Variants in IL1RAPL2 observed in about 807,000 individuals in gnomAD.
IL1RAPL2 encodes the protein interleukin 1 receptor accessory protein like 2.
IL1RAPL2 carries 3 observed loss-of-function variants against 44.1 expected under a neutral mutation model. That is an observed-to-expected ratio of 0.07 (90% CI 0.03 to 0.18). IL1RAPL2 has a LOEUF of 0.18. Among genes scored for constraint, IL1RAPL2 ranks in the 10% least tolerant of loss-of-function variants. The probability of loss-of-function intolerance (pLI) is 1.00; values close to 1 mark genes in which losing one functional copy is unlikely to be tolerated. For synonymous variants in IL1RAPL2, 181 were observed against 178.8 expected, an observed-to-expected ratio of 1.01 and a Z score of -0.10; for missense variants, 391 against 496.4, an observed-to-expected ratio of 0.79 and a Z score of 2.02.
At chrX:105,502,314 C>A (rs570997927) in intron 6 of IL1RAPL2, among the ~76,000 whole-genome samples, 1 of 111,632 alleles carries the variant, frequency 9.0e-6, no homozygotes, top group Admixed American at 9.6e-5. Flanking sequence ...TAAATATTTA[C>A]AATTCTTGAA....
chrX:105,151,214 T>C (rs2033224347), intron 2 of IL1RAPL2, among the ~76,000 whole-genome samples: 1 of 111,834 alleles, frequency 8.9e-6, no homozygotes, highest in South Asian at 3.7e-4. Context: ...GGATCATAGA[T>C]GGAGATGTAA....
chrX:104,773,468 T>C (rs1295887070), intron 2 of IL1RAPL2, among the ~76,000 whole-genome samples: 1 of 111,542 alleles, frequency 9.0e-6, no homozygotes, highest in Non-Finnish European at 1.9e-5. Flanking sequence ...CACTTTTATT[T>C]CCTTTGTAGA....
chrX:104,936,897 C>T (rs982269435), intron 2 of IL1RAPL2, among the ~76,000 whole-genome samples: 3 of 111,402 alleles, frequency 2.7e-5, no homozygotes, highest in African/African-American at 9.8e-5. Context: ...TGAGCCACCG[C>T]ACCCAACCTT....
At chrX:105,332,417 A>G (rs751422848) in intron 5 of IL1RAPL2, among the ~76,000 whole-genome samples, 30 of 110,016 alleles carry the variant, frequency 2.7e-4, no homozygotes, top group Non-Finnish European at 4.4e-4. Context: ...ATCTTTCATT[A>G]TTTTATTTGC....
intron 6 of IL1RAPL2, among the ~76,000 whole-genome samples, chrX:105,613,152 G>A (rs1478987989): frequency 1.8e-5 from 2 of 111,673 alleles, no homozygotes; most frequent in Non-Finnish European, 3.8e-5. Context: ...CTTGGATACC[G>A]GCTCAGCCAC....
At chrX:104,846,878 T>C (rs1922066364) in intron 2 of IL1RAPL2, among the ~76,000 whole-genome samples, 1 of 111,838 alleles carries the variant, frequency 8.9e-6, no homozygotes, top group African/African-American at 3.3e-5. Flanking sequence ...GACTTTTTAA[T>C]AGTCGCCATT....
intron 3 of IL1RAPL2, among the ~76,000 whole-genome samples, chrX:105,223,396 A>C (rs1382329804): frequency 5.2e-4 from 58 of 110,992 alleles, no homozygotes; most frequent in Non-Finnish European, 1.3e-4. Context: ...GTGTGCTACC[A>C]TTGGTGATTT....
rs148867457 is a variant in IL1RAPL2, at chrX:105,090,404, A to G, written c.83-105071A>G. Among the ~76,000 whole-genome samples the G allele has an allele frequency of 1.4e-3, 162 of 112,267 alleles. 3 individuals carry two copies. In the East Asian group the frequency reaches 0.02, roughly 14 times the overall value. On this transcript the variant is annotated intron_variant, in intron 2 of 10. Coordinates refer to ENST00000372582, the MANE Select transcript of IL1RAPL2 (RefSeq NM_017416.2). ...ATGTATAAGTAGAACTGTACAGTTCAAACCCATGTTTTTCAAGGATCAAAT... is the reference window on the plus strand; with the variant it reads ...ATGTATAAGTAGAACTGTACAGTTCGAACCCATGTTTTTCAAGGATCAAAT...
intron 2 of IL1RAPL2, among the ~76,000 whole-genome samples, chrX:104,739,926 C>T (rs1431311038): frequency 9.0e-6 from 1 of 111,537 alleles, no homozygotes; most frequent in Non-Finnish European, 1.9e-5. Flanking sequence ...AAACACCTGT[C>T]ACCTGACTAC....
At chrX:104,965,389 A>G (rs1436056718) in intron 2 of IL1RAPL2, among the ~76,000 whole-genome samples, 1 of 112,193 alleles carries the variant, frequency 8.9e-6, no homozygotes, top group East Asian at 2.8e-4. Context: ...TTAAATCTGC[A>G]ACATCTCATG....
intron 2 of IL1RAPL2, among the ~76,000 whole-genome samples, chrX:105,039,788 G>A (rs1359681133): frequency 1.8e-5 from 2 of 111,465 alleles, no homozygotes; most frequent in Non-Finnish European, 3.8e-5. Context: ...GGGCTGAGAC[G>A]ATGGGGTTTT....
At chrX:105,092,956 A>T (rs757150386) in intron 2 of IL1RAPL2, among the ~76,000 whole-genome samples, 1 of 111,560 alleles carries the variant, frequency 9.0e-6, no homozygotes, top group Admixed American at 9.6e-5. Flanking sequence ...AAGTAAAAAA[A>T]AATAATAGGC....
At chrX:104,577,218 A>G (rs1404701976) in intron 1 of IL1RAPL2, among the ~76,000 whole-genome samples, 2 of 112,163 alleles carry the variant, frequency 1.8e-5, no homozygotes, top group East Asian at 5.6e-4. Context: ...TTCTCTGGGA[A>G]GTAGCAGTAG....
chrX:105,708,741 T>C (rs899494617), intron 6 of IL1RAPL2, among the ~76,000 whole-genome samples: 1 of 111,389 alleles, frequency 9.0e-6, no homozygotes. Context: ...TAAATAACTT[T>C]TGAAACAAAT....
At chrX:104,587,488 T>A (rs1438936454) in intron 1 of IL1RAPL2, among the ~76,000 whole-genome samples, 1 of 111,891 alleles carries the variant, frequency 8.9e-6, no homozygotes, top group African/African-American at 3.2e-5. Context: ...GCTACTTTAG[T>A]TCTGGAAGTG....
intron 6 of IL1RAPL2, among the ~76,000 whole-genome samples, chrX:105,491,503 G>A (rs889530038): frequency 9.0e-6 from 1 of 111,730 alleles, no homozygotes; most frequent in African/African-American, 3.3e-5. Flanking sequence ...TTGAATAACT[G>A]AACACTATGG....
At chrX:104,987,024 C>A (rs2030574158) in intron 2 of IL1RAPL2, among the ~76,000 whole-genome samples, 1 of 112,188 alleles carries the variant, frequency 8.9e-6, no homozygotes, top group Admixed American at 9.5e-5. Context: ...ATGCATTTTG[C>A]TTGACAAATC....
chrX:105,409,400 T>C (rs2035675762), intron 5 of IL1RAPL2, among the ~76,000 whole-genome samples: 1 of 112,107 alleles, frequency 8.9e-6, no homozygotes, highest in Admixed American at 9.5e-5. Context: ...CTAGGCATTG[T>C]CTTAGAAGCA....
intron 8 of IL1RAPL2, among the ~76,000 whole-genome samples, chrX:105,747,492 ATG>A (rs748769479): frequency 0.054 from 3,205 of 58,896 alleles, 63 homozygotes; most frequent in South Asian, 0.12. Context: ...GTGTGTGTGT[ATG>A]TGTGTGTGTG....
Sources: allele counts gnomAD v4.1 joint callset (sites outside exome capture counted in the v4.1 genomes callset), GRCh38; gene constraint gnomAD v4.1.1; transcripts MANE v1.5; gene names NCBI Gene and HGNC (gene_info 2026-07-23, HGNC 2026-07-21).